The following YPEL2 variants were observed in gnomAD, a reference collection of about 807,000 sequenced individuals.
The protein encoded by YPEL2 is yippee like 2, also known as protein yippee-like 2.
In YPEL2, 2 loss-of-function variants were observed where a neutral mutation model predicts 19.1. The ratio of observed to expected loss-of-function variants is 0.10; its 90% CI spans 0.04 to 0.33. The LOEUF (loss-of-function observed/expected upper bound fraction) is 0.33, where lower values mean the gene tolerates loss of function less well. Among genes scored for constraint, YPEL2 ranks in the 10% least tolerant of loss-of-function variants. YPEL2 has a pLI of 1.00. For synonymous variants in YPEL2, 52 were observed against 50.0 expected (o/e 1.04, Z -0.17); for missense variants, 66 against 140.7 (o/e 0.47, Z 2.68).
At chr17:59,363,310 TC>T (rs370920129) in intron 2 of YPEL2, 12 of 152,370 alleles carry the variant, frequency 7.9e-5, no homozygotes, top group South Asian at 2.1e-4. Flanking sequence ...TTTTTTTTTT[TC>T]TTTTTTTTTT....
At chr17:59,395,343 G>A (rs1047053308) in intron 4 of YPEL2, among the ~76,000 whole-genome samples, 1 of 152,138 alleles carries the variant, frequency 6.6e-6, no homozygotes, top group Non-Finnish European at 1.5e-5. Context: ...TTGATACAAC[G>A]GTGACCCAGA....
intron 4 of YPEL2, among the ~76,000 whole-genome samples, chr17:59,395,080 G>A (rs2048031808): frequency 6.6e-6 from 1 of 150,742 alleles, no homozygotes; most frequent in Non-Finnish European, 1.5e-5. Context: ...GAGACCGTGG[G>A]GAGAGGGAGA....
chr17:59,371,731 G>A (rs1481101238), intron 2 of YPEL2, among the ~76,000 whole-genome samples: 1 of 152,220 alleles, frequency 6.6e-6, no homozygotes, highest in African/African-American at 2.4e-5. Context: ...ACAGACTGGG[G>A]CCTTGGGAAT....
chr17:59,391,918 A>T (rs1360279750), intron 4 of YPEL2, among the ~76,000 whole-genome samples: 3 of 151,964 alleles, frequency 2.0e-5, no homozygotes, highest in African/African-American at 7.2e-5. Context: ...AGCAAAAAAA[A>T]AAAACCTAGA....
chr17:59,341,285 G>A (rs1185637426), intron 1 of YPEL2, among the ~76,000 whole-genome samples: 3 of 152,032 alleles, frequency 2.0e-5, no homozygotes, highest in African/African-American at 7.2e-5. Flanking sequence ...CCAGCTACTC[G>A]GGAGGCTGAG....
At position 59,380,089 on chromosome 17, in the gene YPEL2, G is replaced by A. The variant is rs567430378; in HGVS notation, c.118-8238G>A. Among the ~76,000 whole-genome samples the A allele has an allele frequency of 5.3e-5, 8 of 151,182 alleles. No individual in the cohort carries two copies. In the East Asian group the frequency reaches 9.8e-4, roughly 19 times the overall value. On this transcript the variant is annotated intron_variant, in intron 2 of 4. Transcript: ENST00000312655. ...TTGGCCAGGCTGGTCTCGAACTCCCGACCTCAAGTGATCACCTGCCTCAGG... is the reference window on the plus strand; with the variant it reads ...TTGGCCAGGCTGGTCTCGAACTCCCAACCTCAAGTGATCACCTGCCTCAGG...
chr17:59,385,458 G>A (rs767332492), intron 2 of YPEL2, among the ~76,000 whole-genome samples: 32 of 152,038 alleles, frequency 2.1e-4, no homozygotes, highest in Non-Finnish European at 4.3e-4. Flanking sequence ...CGCCCCTGTA[G>A]TCCCAGCTAC....
intron 1 of YPEL2, among the ~76,000 whole-genome samples, chr17:59,350,352 G>A (rs1056739843): frequency 5.9e-5 from 9 of 152,180 alleles, no homozygotes; most frequent in Non-Finnish European, 7.3e-5. Context: ...GTGAGCCACC[G>A]CATCTGGCTT....
At chr17:59,360,680 A>G (rs1307949809) in intron 2 of YPEL2, among the ~76,000 whole-genome samples, 4 of 152,164 alleles carry the variant, frequency 2.6e-5, no homozygotes, top group African/African-American at 9.7e-5. Flanking sequence ...AAAGTCTCCA[A>G]ACAAAGGGAT....
intron 1 of YPEL2, among the ~76,000 whole-genome samples, chr17:59,348,365 C>T (rs1195537832): frequency 2.0e-5 from 3 of 152,180 alleles, no homozygotes; most frequent in African/African-American, 7.2e-5. Flanking sequence ...TCCTCACGTT[C>T]CTTTGTGGCT....
intron 2 of YPEL2, among the ~76,000 whole-genome samples, chr17:59,387,401 C>G (rs185172410): frequency 2.6e-5 from 4 of 152,082 alleles, no homozygotes; most frequent in Non-Finnish European, 5.9e-5. Flanking sequence ...CTCTGGTCAT[C>G]TGTTAGCCAC....
At chr17:59,361,663 T>C (rs1011727468) in intron 2 of YPEL2, among the ~76,000 whole-genome samples, 2 of 152,302 alleles carry the variant, frequency 1.3e-5, no homozygotes, top group Non-Finnish European at 2.9e-5. Context: ...AAGGACTCCA[T>C]GAAATTGCAT....
intron 2 of YPEL2, chr17:59,356,177 A>C (rs2047811910): frequency 6.6e-6 from 1 of 152,142 alleles, no homozygotes; most frequent in Non-Finnish European, 1.5e-5. Flanking sequence ...ATGCAGTTTC[A>C]GAATCTGCCC....
At chr17:59,391,881 CAG>C (rs911524065) in intron 4 of YPEL2, among the ~76,000 whole-genome samples, 6 of 149,174 alleles carry the variant, frequency 4.0e-5, no homozygotes, top group African/African-American at 1.5e-4. Flanking sequence ...GCCTGGGCGA[CAG>C]AGTGAGACTC....
At chr17:59,390,390 A>G (rs532811299) in intron 4 of YPEL2, among the ~76,000 whole-genome samples, 2 of 151,960 alleles carry the variant, frequency 1.3e-5, no homozygotes, top group East Asian at 1.9e-4. Flanking sequence ...AGTCTTCCCA[A>G]CTTGGCCTCC....
chr17:59,353,765 CAGCTT>C lies in YPEL2; in HGVS notation c.117+240_117+244del, dbSNP rs2047799043. The C allele has an allele frequency of 1.0e-5, 5 of 476,698 alleles. No homozygotes were observed. The Admixed American group carries it at 1.4e-4, about 14-fold the overall frequency. The allele number at this position is 476,698 out of a possible 1,614,324, so 29.5% of individuals were successfully genotyped here. The stretch of plus-strand genomic sequence containing the variant: ...CCTTGTTGGAGGCTTTGGGAGCTGG[CAGCTT>C]GCAAGCCAGAGAAGGGAGGGGCTGG... On this transcript the variant is annotated intron_variant, in intron 2 of 4. Coordinates refer to ENST00000312655, the MANE Select transcript of YPEL2 (RefSeq NM_001005404.4). This position sits in a 1 kb window ranked among gnomAD's most constrained non-coding sequence, Gnocchi z 4.8.
intron 1 of YPEL2, among the ~76,000 whole-genome samples, chr17:59,342,584 C>G (rs1175524981): frequency 6.6e-6 from 1 of 152,154 alleles, no homozygotes; most frequent in African/African-American, 2.4e-5. Flanking sequence ...AGATTTTTCT[C>G]TGGGTCACAG....
intron 2 of YPEL2, among the ~76,000 whole-genome samples, chr17:59,384,280 A>C (rs751459873): frequency 6.6e-6 from 1 of 152,212 alleles, no homozygotes; most frequent in Non-Finnish European, 1.5e-5. Context: ...CTCCATTTCA[A>C]ATTAATTTTG....
intron 1 of YPEL2, among the ~76,000 whole-genome samples, chr17:59,338,461 G>A (rs1007881780): frequency 1.4e-4 from 22 of 152,166 alleles, no homozygotes; most frequent in Admixed American, 8.5e-4. Context: ...GTGTAGGCAC[G>A]GAACAGATCC....
Sources: gnomAD v4.1 joint callset for allele counts (sites outside exome capture counted in the v4.1 genomes callset) on GRCh38, gnomAD v4.1.1 for gene constraint, Gnocchi (gnomAD v3.1) non-coding constraint, MANE v1.5 for transcripts, NCBI Gene and HGNC (gene_info 2026-07-23, HGNC 2026-07-21) for gene names.